Variants in BOC observed in about 807,000 individuals in gnomAD.
BOC encodes brother of CDO.
In BOC, 76 loss-of-function variants were observed where a neutral mutation model predicts 112.0. The observed-to-expected ratio is 0.68, with a 90% CI of 0.56 to 0.82. The LOEUF is 0.82. Ranked by LOEUF, BOC falls within the 40% of genes least tolerant of loss-of-function variation. BOC has a pLI of 0.00. For synonymous variants in BOC, 580 were observed against 599.8 expected (o/e 0.97, Z 0.48); for missense variants, 1,309 against 1,511.7 (o/e 0.87, Z 2.22).
In BOC at chr3:113,284,325, G is replaced by A. The variant is rs769262816; in HGVS notation, c.2657-10G>A. 6.2e-7 allele frequency: 1 copy of A among 1,610,600 alleles called. No individual in the cohort carries two copies. The highest frequency in any genetic ancestry group is 2.2e-5 in the East Asian group (1 of 44,786). On this transcript the variant is annotated splice_polypyrimidine_tract_variant and intron_variant, in intron 16 of 19. Coordinates refer to ENST00000682979, the MANE Select transcript of BOC (RefSeq NM_001378074.1). ...GGCCTAAGCACACCTTTATTTTTCT[G>A]TCCTTCCAGAACATACAACAGACCT...
intron 15 of BOC, among the ~76,000 whole-genome samples, chr3:113,281,993 T>C (rs952287549): frequency 1.3e-5 from 2 of 152,146 alleles, no homozygotes; most frequent in African/African-American, 2.4e-5. Flanking sequence ...AGGAAGAGAC[T>C]TCATAAAGCC....
chr3:113,219,750 G>T (rs1170249093), intron 2 of BOC, among the ~76,000 whole-genome samples: 1 of 152,226 alleles, frequency 6.6e-6, no homozygotes, highest in Non-Finnish European at 1.5e-5. Context: ...CTCAGCAGCA[G>T]CCCCACAAGA....
intron 2 of BOC, among the ~76,000 whole-genome samples, chr3:113,241,017 C>T (rs145999399): frequency 6.6e-6 from 1 of 152,368 alleles, no homozygotes; most frequent in Non-Finnish European, 1.5e-5. Flanking sequence ...ATGGCCCAGA[C>T]TTGGCAGGCT....
chr3:113,273,269 G>T lies in BOC; in HGVS notation c.1162G>T (p.Val388Phe). The change falls in exon 8 of 20, where the codon GTC (valine) becomes TTC (phenylalanine). Residue 388 changes from valine (V) to phenylalanine (F), a missense_variant. Coordinates refer to ENST00000682979, the MANE Select transcript of BOC (RefSeq NM_001378074.1). ...VLSMGPEDEG[V>F]YQCMAENEVG... The stretch of plus-strand genomic sequence containing the variant: ...CAGCATGGGGCCTGAGGACGAAGGC[G>T]TCTACCAGTGCATGGCCGAGAACGA... The T allele has an allele frequency of 6.2e-7, 1 of 1,612,636 alleles. No homozygotes were observed. The highest frequency in any genetic ancestry group is 8.5e-7 in the Non-Finnish European group (1 of 1,179,466).
intron 2 of BOC, among the ~76,000 whole-genome samples, chr3:113,224,338 C>A (rs1313984201): frequency 1.3e-5 from 2 of 152,196 alleles, no homozygotes; most frequent in African/African-American, 2.4e-5. Flanking sequence ...ATTTTCCCTG[C>A]AAAGAAGTGC....
chr3:113,236,417 A>G, intron 2 of BOC, among the ~76,000 whole-genome samples: 1 of 143,770 alleles, frequency 7.0e-6, no homozygotes, highest in Non-Finnish European at 1.6e-5. Context: ...CTCAGAAACA[A>G]AAAGCCAAAT....
At chr3:113,279,668 C>T (rs1949004765) in intron 12 of BOC, 156 bp from the exon 13 acceptor site, 7 of 891,346 alleles carry the variant, frequency 7.9e-6, no homozygotes, top group Non-Finnish European at 1.2e-5. Flanking sequence ...TGCAGCTCAG[C>T]TCTGACAGTG....
chr3:113,261,895 G>A (rs1946920850), intron 4 of BOC: 1 of 151,420 alleles, frequency 6.6e-6, no homozygotes, highest in South Asian at 2.1e-4. Flanking sequence ...AAATCTGGGT[G>A]TAAATCCCAC....
intron 5 of BOC, among the ~76,000 whole-genome samples, chr3:113,269,202 T>C (rs1947844493): frequency 6.6e-6 from 1 of 152,190 alleles, no homozygotes; most frequent in African/African-American, 2.4e-5. Flanking sequence ...ACTTCATTTT[T>C]CCCTCTCCCC....
chr3:113,225,602 T>C (rs565956928), intron 2 of BOC, among the ~76,000 whole-genome samples: 1 of 152,380 alleles, frequency 6.6e-6, no homozygotes, highest in East Asian at 1.9e-4. Flanking sequence ...CAGTATTATA[T>C]ATTTGCCTGG....
chr3:113,238,599 A>G (rs1178424644), intron 2 of BOC, among the ~76,000 whole-genome samples: 2 of 152,238 alleles, frequency 1.3e-5, no homozygotes, highest in African/African-American at 2.4e-5. Flanking sequence ...ATAGTCCATC[A>G]ATTATTATGC....
At chr3:113,276,276 C>T (rs1000356045) in intron 9 of BOC, among the ~76,000 whole-genome samples, 3 of 152,224 alleles carry the variant, frequency 2.0e-5, no homozygotes, top group African/African-American at 4.8e-5. Flanking sequence ...CCGTGGTGAT[C>T]CGGAAATGCC....
At chr3:113,236,837 T>C (rs1429654439) in intron 2 of BOC, among the ~76,000 whole-genome samples, 1 of 152,230 alleles carries the variant, frequency 6.6e-6, no homozygotes. Flanking sequence ...AAAAGTTTCA[T>C]GACCCCTGAC....
intron 2 of BOC, among the ~76,000 whole-genome samples, chr3:113,226,497 C>A (rs1420437668): frequency 2.0e-5 from 3 of 152,130 alleles, no homozygotes; most frequent in Admixed American, 2.0e-4. Flanking sequence ...TGGGGAGACC[C>A]CTTAATAACT....
At chr3:113,272,835 T>C (rs1948272525) in intron 7 of BOC, 132 bp downstream of exon 7, 4 of 1,198,352 alleles carry the variant, frequency 3.3e-6, no homozygotes, top group East Asian at 5.1e-5. Flanking sequence ...GGAACAGGCA[T>C]GCTGAAGAGT....
chr3:113,249,131 G>C (rs980728513), intron 2 of BOC, among the ~76,000 whole-genome samples: 1 of 152,140 alleles, frequency 6.6e-6, no homozygotes, highest in African/African-American at 2.4e-5. Context: ...AGTTTTCAGG[G>C]ATCTAGGCAT....
In BOC at chr3:113,274,316, C is replaced by A; in HGVS notation, c.1235-59C>A. 1.4e-6 allele frequency: 2 copies of A among 1,446,252 alleles called. No homozygotes were observed. Among genetic ancestry groups the A allele is most frequent in the Non-Finnish European group, 1.8e-6 (2 of 1,093,078 alleles). 89.6% of individuals were successfully genotyped at this position (1,446,252 alleles called of 1,614,324 possible). On this transcript the variant is annotated intron_variant, in intron 8 of 19. Coordinates refer to ENST00000682979, the MANE Select transcript of BOC (RefSeq NM_001378074.1). The surrounding 1 kb of genome is among the most constrained non-coding windows in gnomAD (Gnocchi z 4.8). ...CTTTCTGTTTTCTCCCCAGGAACAA[C>A]AGCTCAGCAGGTAAACCAGGAGACT...
At chr3:113,246,792 A>G (rs1462295835) in intron 2 of BOC, among the ~76,000 whole-genome samples, 2 of 152,092 alleles carry the variant, frequency 1.3e-5, no homozygotes, top group Non-Finnish European at 2.9e-5. Flanking sequence ...GTGGGGCTTA[A>G]TGGGTTAACT....
intron 2 of BOC, among the ~76,000 whole-genome samples, chr3:113,237,546 T>C (rs533207580): frequency 2.1e-3 from 317 of 152,284 alleles, no homozygotes; most frequent in Non-Finnish European, 3.6e-3. Flanking sequence ...GTGTTCATTT[T>C]GGAAGATGAG....
Sources: gnomAD v4.1 joint callset for allele counts (sites outside exome capture counted in the v4.1 genomes callset) on GRCh38, gnomAD v4.1.1 for gene constraint, Gnocchi (gnomAD v3.1) non-coding constraint, MANE v1.5 for transcripts, NCBI Gene and HGNC (gene_info 2026-07-23, HGNC 2026-07-21) for gene names.